The following CSMD1 variants were observed in gnomAD, a reference collection of about 807,000 sequenced individuals.
CSMD1 encodes the protein CUB and Sushi multiple domains 1.
In CSMD1, 213 loss-of-function variants were observed where a neutral mutation model predicts 417.5. That is an observed-to-expected ratio of 0.51 (90% CI 0.46 to 0.57). The LOEUF is 0.57. Among genes scored for constraint, CSMD1 ranks in the 20% least tolerant of loss-of-function variants. The probability of loss-of-function intolerance (pLI) is 0.00; values close to 1 mark genes in which losing one functional copy is unlikely to be tolerated. For missense variants in CSMD1, 6,923 were observed against 4,529.7 expected (o/e 1.53, Z -15.17); for synonymous variants, 2,862 against 1,736.8 (o/e 1.65, Z -16.11).
intron 1 of CSMD1, among the ~76,000 whole-genome samples, chr8:4,935,506 T>C (rs984792371): frequency 6.6e-6 from 1 of 152,230 alleles, no homozygotes; most frequent in Non-Finnish European, 1.5e-5. Context: ...AAGCCATGTG[T>C]TTCATGAATG....
intron 34 of CSMD1, among the ~76,000 whole-genome samples, chr8:3,189,381 G>C (rs2129050549): frequency 6.6e-6 from 1 of 152,316 alleles, no homozygotes; most frequent in East Asian, 1.9e-4. Flanking sequence ...ATCTCCAAAT[G>C]ATATTAATGG....
At position 4,032,064 on chromosome 8, in the gene CSMD1, T is replaced by G. The variant is rs777408672; in HGVS notation, c.451A>C (p.Ile151Leu). 1.2e-6 allele frequency: 2 copies of G among 1,613,420 alleles called. No individual in the cohort carries two copies. Among genetic ancestry groups the G allele is most frequent in the South Asian group, 1.1e-5 (1 of 91,024 alleles). The change falls in exon 4 of 70, where the codon ATC (isoleucine) becomes CTC (leucine). Residue 151 changes from isoleucine to leucine, a missense_variant. Ile to Leu is a conservative substitution (Grantham distance 5). Coordinates refer to ENST00000635120, the MANE Select transcript of CSMD1 (RefSeq NM_033225.6). ...GTTCCATGCAGAACTCCTTTCAGGA[T>G]TTCTCCAGGATTTCCACAAGTGTGG... ...PSHTCGNPGEILKGVLHGTRF... is the reference protein window; with the variant it reads ...PSHTCGNPGELLKGVLHGTRF...
In CSMD1 at chr8:3,401,919, T is replaced by A. The variant is rs373344679; in HGVS notation, c.2267-2390A>T. On this transcript the variant is annotated intron_variant, in intron 15 of 69. Transcript: ENST00000635120. ...ATAACAAAAAAAGCAAATATACCAA[T>A]GAGCCAATGAGGTGTTTAGAAAGCA... Among the ~76,000 whole-genome samples, 20 of 151,460 alleles carry A rather than the reference T, an allele frequency of 1.3e-4. No homozygotes were observed. The East Asian group carries it at 1.9e-3, about 15-fold the overall frequency.
chr8:3,468,367 A>G (rs1159001904), intron 12 of CSMD1, among the ~76,000 whole-genome samples: 2 of 152,242 alleles, frequency 1.3e-5, no homozygotes, highest in Non-Finnish European at 1.5e-5. Flanking sequence ...TGTCTTTTCT[A>G]TGTTTGCTCA....
chr8:4,320,374 ATACTTT>A (rs574118065), intron 3 of CSMD1, among the ~76,000 whole-genome samples: 80 of 152,220 alleles, frequency 5.3e-4, no homozygotes, highest in Non-Finnish European at 9.3e-4. Flanking sequence ...TATTATTATT[ATACTTT>A]AAGTTGTGAG....
intron 2 of CSMD1, among the ~76,000 whole-genome samples, chr8:4,555,899 T>C (rs1798068371): frequency 1.3e-5 from 2 of 152,152 alleles, no homozygotes; most frequent in South Asian, 4.1e-4. Flanking sequence ...GTCAAGTGTA[T>C]CTTTACTGTG....
intron 2 of CSMD1, among the ~76,000 whole-genome samples, chr8:4,541,658 C>G (rs998627949): frequency 3.3e-5 from 5 of 151,946 alleles, no homozygotes; most frequent in African/African-American, 1.2e-4. Flanking sequence ...TGACTTGAAC[C>G]AAGGAGGCTG....
At chr8:3,323,970 C>G (rs372172290) in intron 23 of CSMD1, among the ~76,000 whole-genome samples, 3 of 129,942 alleles carry the variant, frequency 2.3e-5, no homozygotes, top group South Asian at 2.7e-4. Flanking sequence ...CTTCACCCCA[C>G]CTTTCATCAT....
At chr8:4,159,724 G>A (rs868161732) in intron 3 of CSMD1, among the ~76,000 whole-genome samples, 3 of 152,156 alleles carry the variant, frequency 2.0e-5, no homozygotes, top group Admixed American at 6.5e-5. Flanking sequence ...GAGCAGCTGG[G>A]ACTACAGGTG....
chr8:3,498,636 G>C (rs1172828412), intron 10 of CSMD1, among the ~76,000 whole-genome samples: 1 of 152,088 alleles, frequency 6.6e-6, no homozygotes, highest in African/African-American at 2.4e-5. Context: ...CCCATAATGG[G>C]AATATTTGTC....
rs144964155 is a variant in CSMD1, at chr8:2,979,805, C to T, written c.8378-1005G>A. 1.4e-3 allele frequency among the ~76,000 whole-genome samples: 220 copies of T among 152,286 alleles called. 1 individual carries two copies. The highest frequency in any genetic ancestry group is 4.8e-3 in the African/African-American group (198 of 41,570). On this transcript the variant is annotated intron_variant, in intron 54 of 69. Transcript: ENST00000635120. ...CACCCCTGAGTTTACAGAAGAAAGT[C>T]TTGAGTTCTTTTGAATCAAAAAAGC... is the stretch of plus-strand genomic sequence containing the variant.
intron 16 of CSMD1, among the ~76,000 whole-genome samples, chr8:3,397,408 G>C (rs1022128222): frequency 6.6e-6 from 1 of 152,190 alleles, no homozygotes; most frequent in Non-Finnish European, 1.5e-5. Context: ...GTATACATTA[G>C]ATCATGGATA....
intron 3 of CSMD1, among the ~76,000 whole-genome samples, chr8:4,159,940 G>T (rs1375430038): frequency 6.6e-6 from 1 of 151,708 alleles, no homozygotes; most frequent in South Asian, 2.1e-4. Flanking sequence ...GCCTTGAGGG[G>T]AAAGGGTGGG....
chr8:3,707,362 C>T (rs1217959593), intron 7 of CSMD1, among the ~76,000 whole-genome samples: 1 of 152,086 alleles, frequency 6.6e-6, no homozygotes, highest in African/African-American at 2.4e-5. Flanking sequence ...AATTGCTAGG[C>T]AACGGAAAAA....
chr8:4,856,729 A>T (rs1006479654), intron 1 of CSMD1, among the ~76,000 whole-genome samples: 1 of 149,740 alleles, frequency 6.7e-6, no homozygotes, highest in Non-Finnish European at 1.5e-5. Context: ...TCCTAAATAT[A>T]TATGCACCCA....
chr8:3,845,837 T>C (rs1404707209), intron 5 of CSMD1, among the ~76,000 whole-genome samples: 1 of 152,126 alleles, frequency 6.6e-6, no homozygotes, highest in Admixed American at 6.5e-5. Flanking sequence ...TTTAATTTTT[T>C]TTTTACTTTC....
At chr8:3,880,094 G>T (rs745670734) in intron 5 of CSMD1, among the ~76,000 whole-genome samples, 1 of 151,744 alleles carries the variant, frequency 6.6e-6, no homozygotes, top group Non-Finnish European at 1.5e-5. Context: ...CCTAACAAAC[G>T]TATTACTAAA....
At chr8:3,796,461 C>A (rs868849343) in intron 5 of CSMD1, among the ~76,000 whole-genome samples, 13 of 133,774 alleles carry the variant, frequency 9.7e-5, no homozygotes, top group Non-Finnish European at 9.4e-5. Context: ...ATATAGATAT[C>A]TATCATGTAT....
intron 54 of CSMD1, among the ~76,000 whole-genome samples, chr8:2,996,995 C>A (rs1267182864): frequency 1.3e-5 from 2 of 152,182 alleles, no homozygotes; most frequent in Non-Finnish European, 2.9e-5. Flanking sequence ...TGTCCCTGGG[C>A]TTCTTAAGCT....
Sources: gnomAD v4.1 joint callset for allele counts (sites outside exome capture counted in the v4.1 genomes callset) on GRCh38, gnomAD v4.1.1 for gene constraint, MANE v1.5 for transcripts, NCBI Gene and HGNC (gene_info 2026-07-23, HGNC 2026-07-21) for gene names.